The following SLC41A3 variants were observed in gnomAD, a reference collection of about 807,000 sequenced individuals.
SLC41A3 encodes the protein SLC41A1-like 2.
Under a neutral mutation model 45.4 loss-of-function variants are expected in SLC41A3, and 44 were observed. The observed-to-expected ratio is 0.97, with a 90% CI of 0.76 to 1.25. The LOEUF (loss-of-function observed/expected upper bound fraction) is 1.25. Among genes scored for constraint, SLC41A3 ranks in the 50% most tolerant of loss-of-function variants. The pLI is 0.00. For missense variants in SLC41A3, 550 were observed against 600.6 expected (o/e 0.92, Z 0.88); for synonymous variants, 256 against 252.4 (o/e 1.01, Z -0.13).
chr3:126,067,281 G>C (rs982319860), intron 2 of SLC41A3, among the ~76,000 whole-genome samples: 10 of 152,128 alleles, frequency 6.6e-5, no homozygotes, highest in African/African-American at 2.4e-4. Context: ...TTTTTTAAGT[G>C]GTTACAGGCT....
intron 1 of SLC41A3, chr3:126,070,392 C>T (rs1049858877): frequency 1.3e-5 from 2 of 152,214 alleles, no homozygotes; most frequent in Admixed American, 6.5e-5. Context: ...AGGTTGTGTG[C>T]TCCTTATGAG....
intron 2 of SLC41A3, among the ~76,000 whole-genome samples, chr3:126,052,261 C>G (rs1368356420): frequency 6.6e-6 from 1 of 152,176 alleles, no homozygotes; most frequent in Non-Finnish European, 1.5e-5. Flanking sequence ...GCTGTCCTCT[C>G]AGCCTGCACA....
At chr3:126,082,211 G>A (rs913315781) in intron 1 of SLC41A3, among the ~76,000 whole-genome samples, 3 of 152,214 alleles carry the variant, frequency 2.0e-5, no homozygotes, top group Non-Finnish European at 2.9e-5. Context: ...GAACAACCAA[G>A]CACAGGCTGG....
At chr3:126,055,754 C>T in intron 2 of SLC41A3, among the ~76,000 whole-genome samples, 1 of 152,144 alleles carries the variant, frequency 6.6e-6, no homozygotes, top group Admixed American at 6.5e-5. Context: ...AGGGGAGAAA[C>T]AGACTGTGAT....
chr3:126,031,473 A>G (rs1235240213), intron 4 of SLC41A3, among the ~76,000 whole-genome samples: 1 of 152,064 alleles, frequency 6.6e-6, no homozygotes, highest in African/African-American at 2.4e-5. Flanking sequence ...TGCTGAGTGG[A>G]CTCCCAGGGG....
intron 6 of SLC41A3, 101 bp downstream of exon 6, chr3:126,022,685 A>G (rs928070154): frequency 1.0e-5 from 15 of 1,435,854 alleles, no homozygotes; most frequent in Non-Finnish European, 1.3e-5. Context: ...ACAACAGCAC[A>G]TGGGCTGGGT....
intron 2 of SLC41A3, among the ~76,000 whole-genome samples, chr3:126,057,646 C>T (rs1239168206): frequency 3.9e-5 from 6 of 152,250 alleles, no homozygotes; most frequent in African/African-American, 1.4e-4. Context: ...AGACCCCAGC[C>T]TGGAGTCCAC....
intron 1 of SLC41A3, chr3:126,070,202 A>C (rs1356208276): frequency 6.6e-6 from 1 of 152,212 alleles, no homozygotes; most frequent in East Asian, 1.9e-4. Context: ...ATGATGTACA[A>C]GAGATCCTTT....
intron 2 of SLC41A3, chr3:126,056,265 GC>G (rs765694394): frequency 3.4e-6 from 5 of 1,482,642 alleles, no homozygotes; most frequent in Non-Finnish European, 4.6e-6. Flanking sequence ...CACTGTAGAG[GC>G]CCCTCATGTC....
At chr3:126,049,851 G>A (rs543720520) in intron 3 of SLC41A3, among the ~76,000 whole-genome samples, 1 of 152,240 alleles carries the variant, frequency 6.6e-6, no homozygotes, top group East Asian at 1.9e-4. Context: ...GAAGCTCTAG[G>A]GGAGAATCTG....
chr3:126,025,630 A>G (rs1442388884), intron 5 of SLC41A3: 1 of 152,084 alleles, frequency 6.6e-6, no homozygotes, highest in Non-Finnish European at 1.5e-5. Context: ...CCCACGAATG[A>G]GATGAGGGCC....
upstream of SLC41A3, among the ~76,000 whole-genome samples, chr3:126,086,687 C>T (rs964676782): frequency 6.6e-6 from 1 of 151,942 alleles, no homozygotes; most frequent in South Asian, 2.1e-4. Flanking sequence ...GAGTTGTTTC[C>T]TTTAATATGC....
chr3:126,087,794 TA>T (rs34149710), upstream of SLC41A3, among the ~76,000 whole-genome samples: 170 of 90,910 alleles, frequency 1.9e-3, no homozygotes, highest in East Asian at 0.03. Context: ...GGAATTTGTT[TA>T]AAAAAAAAAA....
intron 2 of SLC41A3, among the ~76,000 whole-genome samples, chr3:126,064,442 C>T (rs7610786): frequency 0.66 from 99,623 of 152,002 alleles, 32,901 homozygotes; most frequent in Middle Eastern, 0.72. Flanking sequence ...CCAGTGGCCC[C>T]GCAAGGTGTG....
chr3:126,053,327 C>T (rs2107907317), intron 2 of SLC41A3, among the ~76,000 whole-genome samples: 1 of 152,314 alleles, frequency 6.6e-6, no homozygotes, highest in South Asian at 2.1e-4. Flanking sequence ...ATCTGCAAAG[C>T]TCAAAAACCA....
At chr3:126,061,617 C>G (rs1440421247) in intron 2 of SLC41A3, among the ~76,000 whole-genome samples, 2 of 152,216 alleles carry the variant, frequency 1.3e-5, no homozygotes, top group Non-Finnish European at 2.9e-5. Flanking sequence ...TGGCCCTCAC[C>G]TGTCCAGGGC....
chr3:126,048,611 G>A (rs1943118386), intron 3 of SLC41A3, among the ~76,000 whole-genome samples: 1 of 152,070 alleles, frequency 6.6e-6, no homozygotes, highest in Non-Finnish European at 1.5e-5. Flanking sequence ...TATTATACTA[G>A]CCAGAATACA....
intron 2 of SLC41A3, among the ~76,000 whole-genome samples, chr3:126,062,836 C>T (rs1944142160): frequency 1.3e-5 from 2 of 152,196 alleles, no homozygotes; most frequent in Admixed American, 1.3e-4. Flanking sequence ...CAAGCCAACT[C>T]AAACAGGCCA....
intron 3 of SLC41A3, among the ~76,000 whole-genome samples, chr3:126,037,005 T>A (rs1461351264): frequency 6.6e-6 from 1 of 152,172 alleles, no homozygotes. Context: ...TTTGGATGTG[T>A]GTCTCCTCCA....
Sources: gnomAD v4.1 joint callset for allele counts (sites outside exome capture counted in the v4.1 genomes callset) on GRCh38, gnomAD v4.1.1 for gene constraint, MANE v1.5 for transcripts, NCBI Gene and HGNC (gene_info 2026-07-23, HGNC 2026-07-21) for gene names.